ETFA: variants seen among roughly 807,000 people sequenced by gnomAD.
ETFA encodes the protein electron transfer flavoprotein subunit alpha, mitochondrial.
Under a neutral mutation model 46.2 loss-of-function variants are expected in ETFA, and 22 were observed. The observed-to-expected ratio is 0.48, with a 90% confidence interval of 0.34 to 0.68. The LOEUF (loss-of-function observed/expected upper bound fraction) is 0.68. ETFA is among the 30% of genes least tolerant of loss of function. The pLI, the probability that ETFA is intolerant of heterozygous loss-of-function variation, is 0.01. For synonymous variants in ETFA, 131 were observed against 139.9 expected (o/e 0.94, Z 0.45); for missense variants, 345 against 401.1 (o/e 0.86, Z 1.19).
chr15:76,285,059 A>T, intron 7 of ETFA: 1 of 242,582 alleles, frequency 4.1e-6, no homozygotes, highest in Non-Finnish European at 8.4e-6. Context: ...AATTGCAAGG[A>T]TTTAAAAAGC....
At chr15:76,218,243 CT>C (rs756563879) in intron 11 of ETFA, among the ~76,000 whole-genome samples, 1 of 152,186 alleles carries the variant, frequency 6.6e-6, no homozygotes, top group African/African-American at 2.4e-5. Context: ...TATCATCTGT[CT>C]TTTTTTATTA....
chr15:76,309,086 T>C (rs1388942510), intron 1 of ETFA, among the ~76,000 whole-genome samples: 1 of 152,212 alleles, frequency 6.6e-6, no homozygotes, highest in Non-Finnish European at 1.5e-5. Context: ...TGGGTCCACT[T>C]TAGAAGTGTT....
chr15:76,292,741 A>T (rs2039779992), intron 2 of ETFA, 41 bp from the exon 3 acceptor site: 3 of 1,305,064 alleles, frequency 2.3e-6, no homozygotes, highest in South Asian at 2.4e-5. Flanking sequence ...CATCTATCAG[A>T]AATATACAAA....
Position 76,287,934 on chromosome 15 carries a change from G to A in ETFA, c.363C>T (p.Pro121=), listed in dbSNP as rs1337461232. The part of the protein sequence containing the change: ...GASAFGKNLL[P]RVAAKLEVAP... The stretch of plus-strand genomic sequence containing the variant: ...CAACCTCAAGTTTGGCTGCTACTCT[G>A]GGCAAAAGGTTCTAAAAGCAAAATA... The change falls in exon 5 of 12, where the codon CCC becomes CCT. Residue 121 remains proline, a synonymous_variant. Coordinates refer to ENST00000557943, the MANE Select transcript of ETFA (RefSeq NM_000126.4). 1.2e-6 allele frequency: 2 copies of A among 1,613,482 alleles called. No individual in the cohort carries two copies. The highest frequency in any genetic ancestry group is 3.3e-5 in the Admixed American group (2 of 59,986).
At chr15:76,260,965 C>T (rs1567206926) in intron 9 of ETFA, 3 of 1,610,682 alleles carry the variant, frequency 1.9e-6, no homozygotes, top group Non-Finnish European at 2.5e-6. Flanking sequence ...CCATCAGCAC[C>T]TGGCATCCAG....
intron 9 of ETFA, chr15:76,245,129 C>A (rs2039231969): frequency 6.6e-6 from 1 of 152,158 alleles, no homozygotes; most frequent in South Asian, 2.1e-4. Context: ...ACAACTTCTT[C>A]TTTGTCGTTT....
At chr15:76,261,981 A>G (rs1195022723) in intron 9 of ETFA, among the ~76,000 whole-genome samples, 3 of 152,220 alleles carry the variant, frequency 2.0e-5, no homozygotes, top group Non-Finnish European at 1.5e-5. Context: ...GAATTAGCAC[A>G]CAAGGATTTT....
chr15:76,266,098 A>G (rs1001596083), intron 9 of ETFA, among the ~76,000 whole-genome samples: 2 of 152,248 alleles, frequency 1.3e-5, no homozygotes, highest in Non-Finnish European at 2.9e-5. Context: ...AAAATCGGGT[A>G]AATGGAGAAT....
chr15:76,265,607 G>C (rs1341827799), intron 9 of ETFA, among the ~76,000 whole-genome samples: 1 of 152,194 alleles, frequency 6.6e-6, no homozygotes, highest in African/African-American at 2.4e-5. Flanking sequence ...CGTAGGGACT[G>C]CCTCAGAAGT....
intron 2 of ETFA, among the ~76,000 whole-genome samples, chr15:76,294,627 G>A (rs936108607): frequency 1.3e-5 from 2 of 152,092 alleles, no homozygotes; most frequent in Admixed American, 1.3e-4. Flanking sequence ...TCTGCTTATT[G>A]CAAACTCTGC....
At chr15:76,272,342 C>T (rs1488407398) in intron 9 of ETFA, among the ~76,000 whole-genome samples, 1 of 151,764 alleles carries the variant, frequency 6.6e-6, no homozygotes, top group Non-Finnish European at 1.5e-5. Context: ...TGTTTCAACC[C>T]CCACAGTAGC....
intron 10 of ETFA, chr15:76,228,335 C>T (rs1518964): frequency 0.016 from 3,733 of 227,166 alleles, 39 homozygotes; most frequent in African/African-American, 0.03. Flanking sequence ...CAGGGGTGTA[C>T]CACCATGCTC....
At chr15:76,304,888 C>CAA (rs1384422877) in intron 1 of ETFA, among the ~76,000 whole-genome samples, 5 of 151,554 alleles carry the variant, frequency 3.3e-5, no homozygotes, top group Non-Finnish European at 7.4e-5. Context: ...ACTAAAAATA[C>CAA]AAAAATTAGC....
intron 9 of ETFA, among the ~76,000 whole-genome samples, chr15:76,236,242 C>G (rs1431613373): frequency 6.6e-6 from 1 of 152,118 alleles, no homozygotes; most frequent in Non-Finnish European, 1.5e-5. Flanking sequence ...CACTGTTAAG[C>G]CCCAAACAGA....
At chr15:76,284,930 CAAAA>C in intron 7 of ETFA, 1 of 398,054 alleles carries the variant, frequency 2.5e-6, no homozygotes, top group Non-Finnish European at 4.9e-6. Context: ...AACTCCATCT[CAAAA>C]AGAAAAAAAG....
At chr15:76,228,153 C>T (rs190260866) in intron 10 of ETFA, 16 of 364,542 alleles carry the variant, frequency 4.4e-5, no homozygotes, top group East Asian at 7.2e-5. Context: ...TTTAATCATC[C>T]GAAAGCTTTT....
In ETFA at chr15:76,292,518, G is replaced by A. The variant is rs2039776155; in HGVS notation, c.269-5C>T. 3.1e-6 allele frequency: 5 copies of A among 1,609,560 alleles called. No homozygotes were observed. The Admixed American group carries it at 6.7e-5, about 21-fold the overall frequency. The stretch of plus-strand genomic sequence containing the variant: ...AAATCAATGGTGTCAGTTCCTCTGA[G>A]AATTAAACACATTTGATAAAAAAAT... On this transcript the variant is annotated splice_polypyrimidine_tract_variant and splice_region_variant and intron_variant, in intron 3 of 11. Coordinates refer to ENST00000557943, the MANE Select transcript of ETFA (RefSeq NM_000126.4).
At chr15:76,224,760 G>T (rs2038988420) in intron 11 of ETFA, among the ~76,000 whole-genome samples, 1 of 152,176 alleles carries the variant, frequency 6.6e-6, no homozygotes. Flanking sequence ...GCTATTTTCA[G>T]AGTGTCAATT....
At chr15:76,245,901 T>G (rs548814978) in intron 9 of ETFA, among the ~76,000 whole-genome samples, 1 of 152,312 alleles carries the variant, frequency 6.6e-6, no homozygotes, top group African/African-American at 2.4e-5. Flanking sequence ...CCATAGAAAT[T>G]AAATGCTAGT....
Sources: gnomAD v4.1 joint callset for allele counts (sites outside exome capture counted in the v4.1 genomes callset) on GRCh38, gnomAD v4.1.1 for gene constraint, MANE v1.5 for transcripts, NCBI Gene and HGNC (gene_info 2026-07-23, HGNC 2026-07-21) for gene names.